SLC30A5: variants seen among roughly 807,000 people sequenced by gnomAD.
The protein encoded by SLC30A5 is solute carrier family 30 member 5.
A neutral mutation model predicts 79.6 loss-of-function variants in SLC30A5; 33 were observed. The observed-to-expected ratio is 0.41, with a 90% confidence interval of 0.31 to 0.55. The LOEUF (loss-of-function observed/expected upper bound fraction) is 0.55. SLC30A5 is among the 20% of genes least tolerant of loss of function. The pLI is 0.20. For missense variants in SLC30A5, 788 were observed against 928.1 expected (o/e 0.85, Z 1.96); for synonymous variants, 299 against 319.7 (o/e 0.94, Z 0.69).
chr5:69,128,836 C>T lies in SLC30A5; in HGVS notation c.2128-611C>T, dbSNP rs553631561. Among the ~76,000 whole-genome samples the T allele has an allele frequency of 2.6e-5, 4 of 152,222 alleles. No individual in the cohort carries two copies. The South Asian group carries it at 8.3e-4, about 32-fold the overall frequency. On this transcript the variant is annotated intron_variant, in intron 15 of 15. Transcript: ENST00000396591. ...TCAGAATAGTTACTAAAGCCCTGTT[C>T]TAGATGTGCCAAATTGGAAACAATG...
chr5:69,104,573 G>T, intron 3 of SLC30A5, 58 bp from the exon 4 acceptor site: 1 of 1,456,274 alleles, frequency 6.9e-7, no homozygotes, highest in South Asian at 1.3e-5. Context: ...TTTAAAATTT[G>T]GATATATAGC....
At chr5:69,100,748 TTG>T in intron 1 of SLC30A5, 57 bp from the exon 2 acceptor site, 1 of 1,465,530 alleles carries the variant, frequency 6.8e-7, no homozygotes. Context: ...AAAAACCAGA[TTG>T]ATGAGCTGCT....
chr5:69,105,149 G>C lies in SLC30A5; in HGVS notation c.359+433G>C, dbSNP rs541414471. ...ACTCTCATAAATAAATGTCTCAGAA[G>C]TAGTATATCAATTATCAGATTAAAT... On this transcript the variant is annotated intron_variant, in intron 4 of 15. Coordinates refer to ENST00000396591, the MANE Select transcript of SLC30A5 (RefSeq NM_022902.5). Among the ~76,000 whole-genome samples, 4 of 152,264 alleles carry C rather than the reference G, an allele frequency of 2.6e-5. No homozygotes were observed. The South Asian group carries it at 8.3e-4, about 32-fold the overall frequency.
Position 69,130,266 on chromosome 5 carries a change from A to G in SLC30A5, c.*649A>G, listed in dbSNP as rs1746816000. ...AAATAAATTTTTTTTACTTTTGGTA[A>G]TATTTGCAAATGAATAATTAATTTA... On this transcript the variant is annotated 3_prime_UTR_variant, in exon 16 of 16. Transcript: ENST00000396591. The G allele has an allele frequency of 6.6e-6, 1 of 152,168 alleles. No individual in the cohort carries two copies. Among genetic ancestry groups the G allele is most frequent in the Non-Finnish European group, 1.5e-5 (1 of 68,006 alleles). 9.4% of individuals were successfully genotyped at this position (152,168 alleles called of 1,614,324 possible).
rs796767294 is a variant in SLC30A5 at position 69,124,131 on chromosome 5, C to A, written c.1998+706C>A. Among the ~76,000 whole-genome samples, 27 of 99,248 alleles carry A rather than the reference C, an allele frequency of 2.7e-4. 1 individual carries two copies. Among genetic ancestry groups the A allele is most frequent in the East Asian group, 1.1e-3 (3 of 2,800 alleles). 65.1% of individuals were successfully genotyped at this position (99,248 alleles called of 152,430 possible). ...CCACCTCAAAAAAAAAAAAAAAAAA[C>A]CTAACAGTTTGGTCCTTGCACAAGA... On this transcript the variant is annotated intron_variant, in intron 14 of 15. Coordinates refer to ENST00000396591, the MANE Select transcript of SLC30A5 (RefSeq NM_022902.5).
chr5:69,122,984 T>C (rs561923388), intron 13 of SLC30A5, among the ~76,000 whole-genome samples: 1 of 152,338 alleles, frequency 6.6e-6, no homozygotes, highest in South Asian at 2.1e-4. Flanking sequence ...CCATAAAATT[T>C]GGCACGCTGT....
intron 6 of SLC30A5, 75 bp from the exon 7 acceptor site, chr5:69,114,345 C>A: frequency 2.4e-6 from 2 of 845,542 alleles, no homozygotes; most frequent in Non-Finnish European, 4.1e-6. Flanking sequence ...AATAATGTAA[C>A]TAAAATTTCA....
At chr5:69,119,451 A>T (rs1035147873) in intron 12 of SLC30A5, among the ~76,000 whole-genome samples, 1 of 151,892 alleles carries the variant, frequency 6.6e-6, no homozygotes, top group Non-Finnish European at 1.5e-5. Flanking sequence ...CAGTTGTTTA[A>T]TTTGTCATTC....
intron 4 of SLC30A5, among the ~76,000 whole-genome samples, chr5:69,105,469 A>T (rs1161253501): frequency 6.6e-6 from 1 of 152,174 alleles, no homozygotes; most frequent in Non-Finnish European, 1.5e-5. Flanking sequence ...GCACTTTGGG[A>T]GGCCAAGGGG....
rs1746334312 is a variant in SLC30A5 at position 69,115,219 on chromosome 5, AT to A, written c.613-17del. ...ACTGTGTGTGTTTCTAATGAGACTT[AT>A]CTAATTTTACTCACAGGGTGGAGTA... On this transcript the variant is annotated splice_polypyrimidine_tract_variant and intron_variant, in intron 7 of 15. Transcript: ENST00000396591. The A allele has an allele frequency of 3.1e-5, 49 of 1,584,596 alleles. No individual in the cohort carries two copies. Among genetic ancestry groups the A allele is most frequent in the Non-Finnish European group, 4.1e-5 (47 of 1,158,134 alleles).
intron 14 of SLC30A5, chr5:69,123,636 A>C (rs911731067): frequency 6.2e-6 from 3 of 484,888 alleles, no homozygotes; most frequent in African/African-American, 3.9e-5. Context: ...AAGGATATAA[A>C]ACAGGGACCG....
chr5:69,121,711 G>T lies in SLC30A5; in HGVS notation c.1587G>T (p.Gly529=). 6.2e-7 allele frequency: 1 copy of T among 1,610,794 alleles called. No individual in the cohort carries two copies. ...TTTGCTAGCCAGTCTCAGTTGGAGG[G>T]CTGATAGTAAACCTTATTGGTATCT... ...THMLTPVSVG[G]LIVNLIGICA... The change falls in exon 13 of 16, where the codon GGG becomes GGT. Residue 529 remains glycine, a synonymous_variant. Transcript: ENST00000396591.
chr5:69,110,621 T>C (rs1453589900), intron 5 of SLC30A5, among the ~76,000 whole-genome samples: 6 of 150,484 alleles, frequency 4.0e-5, no homozygotes, highest in African/African-American at 1.5e-4. Context: ...AATACGTAGA[T>C]GGAGAAAATT....
chr5:69,127,421 G>C (rs1172786649), intron 14 of SLC30A5, among the ~76,000 whole-genome samples: 3 of 149,748 alleles, frequency 2.0e-5, no homozygotes, highest in African/African-American at 7.5e-5. Flanking sequence ...CTGAACTCAG[G>C]AGTTCGAGAC....
At chr5:69,104,537 T>G in intron 3 of SLC30A5, 94 bp from the exon 4 acceptor site, 2 of 1,412,884 alleles carry the variant, frequency 1.4e-6, no homozygotes, top group Non-Finnish European at 9.4e-7. Flanking sequence ...TTAAAATATT[T>G]GTTATTATTA....
chr5:69,129,188 AT>A (rs1470237552), intron 15 of SLC30A5, among the ~76,000 whole-genome samples: 2 of 152,054 alleles, frequency 1.3e-5, no homozygotes, highest in Admixed American at 6.6e-5. Flanking sequence ...TCGATTTGCG[AT>A]TTTATTTTTT....
At position 69,103,128 on chromosome 5, in the gene SLC30A5, G is replaced by A; in HGVS notation, c.273G>A (p.Gln91=). Reference sequence around the variant, plus strand: ...CTGGGAAAACTATTACCAAACACCAGGTAAGATTTTTGCAGAATCTTTTAT... The same window carrying A: ...CTGGGAAAACTATTACCAAACACCAAGTAAGATTTTTGCAGAATCTTTTAT... ...FSSGKTITKH[Q]WIKIFKHAVA... The change falls in exon 3 of 16, where the codon CAG becomes CAA. Residue 91 remains glutamine, a splice_region_variant and synonymous_variant. Transcript: ENST00000396591. 6.4e-7 allele frequency: 1 copy of A among 1,574,558 alleles called. No homozygotes were observed. Among genetic ancestry groups the A allele is most frequent in the Non-Finnish European group, 8.7e-7 (1 of 1,150,162 alleles).
At chr5:69,094,377 G>T (rs536999216) in intron 1 of SLC30A5, 39 bp downstream of exon 1, 97 of 1,243,004 alleles carry the variant, frequency 7.8e-5, no homozygotes, top group Non-Finnish European at 9.5e-5. Context: ...CGGCCGGGTC[G>T]CTCAGGATGC....
intron 1 of SLC30A5, among the ~76,000 whole-genome samples, chr5:69,094,799 GATTAACTGAGCAC>G (rs769469209): frequency 8.5e-5 from 13 of 152,074 alleles, no homozygotes; most frequent in Non-Finnish European, 1.6e-4. Context: ...TGGATGTTCA[GATTAACTGAGCAC>G]ATCGAGGGTC....
Sources: gnomAD v4.1 joint callset for allele counts (sites outside exome capture counted in the v4.1 genomes callset) on GRCh38, gnomAD v4.1.1 for gene constraint, MANE v1.5 for transcripts, NCBI Gene and HGNC (gene_info 2026-07-23, HGNC 2026-07-21) for gene names.